Variants in ATAD2B observed in about 807,000 individuals in gnomAD.
ATAD2B encodes ATPase family AAA domain containing 2B, also known as ATPase family AAA domain-containing protein 2B.
Under a neutral mutation model 167.6 loss-of-function variants are expected in ATAD2B, and 40 were observed. The ratio of observed to expected loss-of-function variants is 0.24; its 90% CI spans 0.19 to 0.31. The LOEUF is 0.31. ATAD2B is among the 10% of genes least tolerant of loss of function. ATAD2B has a pLI of 1.00. For synonymous variants in ATAD2B, 579 were observed against 596.5 expected, an observed-to-expected ratio of 0.97 and a Z score of 0.43; for missense variants, 1,242 against 1,757.2, an observed-to-expected ratio of 0.71 and a Z score of 5.24.
chr2:23,861,260 T>G (rs1189140308), intron 12 of ATAD2B, among the ~76,000 whole-genome samples: 1 of 151,224 alleles, frequency 6.6e-6, no homozygotes, highest in African/African-American at 2.4e-5. Flanking sequence ...TGAAATCTCA[T>G]AACAGTCTAG....
chr2:23,725,945 G>A, the ATAD2B span, among the ~76,000 whole-genome samples: 1 of 151,946 alleles, frequency 6.6e-6, no homozygotes, highest in African/African-American at 2.4e-5. Flanking sequence ...CAGCTGCTAT[G>A]GAAAACAGTA....
At chr2:23,811,041 A>G (rs1685502149) in intron 17 of ATAD2B, among the ~76,000 whole-genome samples, 1 of 133,814 alleles carries the variant, frequency 7.5e-6, no homozygotes, top group Admixed American at 7.1e-5. Flanking sequence ...AAACAAACAA[A>G]CAAACAAATA....
chr2:23,810,549 A>G (rs1247118060), intron 17 of ATAD2B, 47 bp from the exon 18 acceptor site: 1 of 1,493,676 alleles, frequency 6.7e-7, no homozygotes, highest in Admixed American at 2.0e-5. Flanking sequence ...TACATTCTGA[A>G]GACAAATATG....
intron 2 of ATAD2B, among the ~76,000 whole-genome samples, chr2:23,891,570 A>T (rs1699491116): frequency 6.6e-6 from 1 of 151,844 alleles, no homozygotes; most frequent in Non-Finnish European, 1.5e-5. Context: ...ATCTTGGCTC[A>T]CTGCAACCTC....
intron 6 of ATAD2B, 85 bp from the exon 7 acceptor site, chr2:23,880,840 C>G: frequency 1.3e-6 from 1 of 778,884 alleles, no homozygotes; most frequent in South Asian, 1.6e-5. Context: ...AATATTTACA[C>G]TTTATCCATT....
At chr2:23,856,709 A>G (rs140559064) in intron 13 of ATAD2B, among the ~76,000 whole-genome samples, 1 of 151,928 alleles carries the variant, frequency 6.6e-6, no homozygotes, top group Non-Finnish European at 1.5e-5. Context: ...AAAAATACAA[A>G]ATTAGCCAGG....
chr2:23,832,113 AG>A, intron 14 of ATAD2B: 1 of 403,482 alleles, frequency 2.5e-6, no homozygotes, highest in Non-Finnish European at 5.1e-6. Context: ...GAATGGACTT[AG>A]CAACACGTGA....
chr2:23,845,864 G>GT (rs1337296799), intron 13 of ATAD2B, among the ~76,000 whole-genome samples: 7 of 144,038 alleles, frequency 4.9e-5, no homozygotes, highest in Non-Finnish European at 1.1e-4. Context: ...ACAAGCAAGA[G>GT]TAACTGCACC....
At chr2:23,703,714 C>A in the ATAD2B span, 1 of 1,534,540 alleles carries the variant, frequency 6.5e-7, no homozygotes, top group South Asian at 1.2e-5. Flanking sequence ...CTGCTCTCCT[C>A]ACAGACAACA....
At chr2:23,896,147 C>A (rs902073427) in intron 1 of ATAD2B, among the ~76,000 whole-genome samples, 177 bp from the exon 2 acceptor site, 3 of 144,588 alleles carry the variant, frequency 2.1e-5, no homozygotes, top group Admixed American at 7.0e-5. Flanking sequence ...GAAACCCCGC[C>A]TCTACCAAAA....
chr2:23,738,196 G>A, the ATAD2B span, among the ~76,000 whole-genome samples: 1 of 152,158 alleles, frequency 6.6e-6, no homozygotes, highest in Non-Finnish European at 1.5e-5. Context: ...GAAATACAGA[G>A]AATGCCACAA....
chr2:23,803,441 T>G (rs181508036), intron 18 of ATAD2B, among the ~76,000 whole-genome samples: 2 of 152,200 alleles, frequency 1.3e-5, no homozygotes, highest in East Asian at 3.9e-4. Context: ...AGAATAGTAA[T>G]ATCTGAGATG....
intron 18 of ATAD2B, among the ~76,000 whole-genome samples, chr2:23,810,010 G>A (rs917538333): frequency 6.6e-5 from 10 of 152,002 alleles, no homozygotes; most frequent in African/African-American, 2.2e-4. Context: ...ACTGCTCTGA[G>A]ACCACAACTT....
intron 2 of ATAD2B, among the ~76,000 whole-genome samples, chr2:23,893,484 CTTATA>C (rs554337344): frequency 5.9e-5 from 9 of 151,736 alleles, no homozygotes; most frequent in Non-Finnish European, 1.3e-4. Context: ...ATTTTTTGTA[CTTATA>C]TTATCTCAAA....
At chr2:23,862,797 T>TC (rs961297363) in intron 12 of ATAD2B, among the ~76,000 whole-genome samples, 2 of 152,118 alleles carry the variant, frequency 1.3e-5, no homozygotes, top group Non-Finnish European at 2.9e-5. Flanking sequence ...CTGTTGTAGT[T>TC]CCCCAATGGA....
At chr2:23,677,975 A>C in the ATAD2B span, among the ~76,000 whole-genome samples, 1 of 152,164 alleles carries the variant, frequency 6.6e-6, no homozygotes, top group African/African-American at 2.4e-5. Context: ...AACCTTTCTC[A>C]AGGCTCTGAT....
At chr2:23,865,462 G>C (rs1325847596) in intron 10 of ATAD2B, among the ~76,000 whole-genome samples, 1 of 151,256 alleles carries the variant, frequency 6.6e-6, no homozygotes, top group Non-Finnish European at 1.5e-5. Flanking sequence ...CTGGGAGGCG[G>C]AGGTTGCAGT....
At chr2:23,840,404 G>A (rs913399684) in intron 13 of ATAD2B, among the ~76,000 whole-genome samples, 1 of 151,920 alleles carries the variant, frequency 6.6e-6, no homozygotes. Flanking sequence ...AACTTTATTA[G>A]TTTTTTTCAA....
the ATAD2B span, among the ~76,000 whole-genome samples, chr2:23,739,405 ACCACTC>A: frequency 6.6e-6 from 1 of 152,154 alleles, no homozygotes. Flanking sequence ...CTCACTCAAA[ACCACTC>A]AACTACATGG....
Sources: gnomAD v4.1 joint callset for allele counts (sites outside exome capture counted in the v4.1 genomes callset) on GRCh38, gnomAD v4.1.1 for gene constraint, MANE v1.5 for transcripts, NCBI Gene and HGNC (gene_info 2026-07-23, HGNC 2026-07-21) for gene names.